RORB: variants seen among roughly 807,000 people sequenced by gnomAD.
RORB encodes the protein RAR related orphan receptor B, also known as nuclear receptor ROR-beta.
A neutral mutation model predicts 59.1 loss-of-function variants in RORB; 6 were observed. The observed-to-expected ratio is 0.10, with a 90% confidence interval of 0.06 to 0.20. The LOEUF (loss-of-function observed/expected upper bound fraction) is 0.20. RORB is among the 10% of genes least tolerant of loss of function. The pLI, the probability that RORB is intolerant of heterozygous loss-of-function variation, is 1.00. For synonymous variants in RORB, 215 were observed against 204.5 expected, an observed-to-expected ratio of 1.05 and a Z score of -0.44; for missense variants, 320 against 560.5, an observed-to-expected ratio of 0.57 and a Z score of 4.33.
chr9:74,569,752 A>G (rs1014839738), intron 1 of RORB, among the ~76,000 whole-genome samples: 11 of 152,074 alleles, frequency 7.2e-5, no homozygotes, highest in Non-Finnish European at 1.5e-5. Context: ...AGGAAATTAT[A>G]TACTGCATTT....
At chr9:74,637,281 G>A (rs1823722070) in intron 3 of RORB, among the ~76,000 whole-genome samples, 1 of 152,206 alleles carries the variant, frequency 6.6e-6, no homozygotes, top group Non-Finnish European at 1.5e-5. Context: ...ATACCTGGCT[G>A]CTTAATGTGG....
chr9:74,594,350 T>C (rs947824942), intron 1 of RORB, among the ~76,000 whole-genome samples: 7 of 152,144 alleles, frequency 4.6e-5, no homozygotes, highest in Non-Finnish European at 1.0e-4. Flanking sequence ...AACCCAAATT[T>C]TCAGGTCCTC....
intron 1 of RORB, among the ~76,000 whole-genome samples, chr9:74,626,706 T>C (rs888871505): frequency 6.6e-6 from 1 of 152,238 alleles, no homozygotes; most frequent in African/African-American, 2.4e-5. Context: ...GAAACCGTAG[T>C]CAACAGCATG....
At chr9:74,666,171 C>A (rs1255655598) in intron 7 of RORB, among the ~76,000 whole-genome samples, 1 of 152,136 alleles carries the variant, frequency 6.6e-6, no homozygotes, top group Non-Finnish European at 1.5e-5. Context: ...CCTGTAATCC[C>A]AGCTACTCAG....
At chr9:74,605,227 G>A (rs1204579415) in intron 1 of RORB, among the ~76,000 whole-genome samples, 2 of 152,174 alleles carry the variant, frequency 1.3e-5, no homozygotes, top group East Asian at 3.8e-4. Flanking sequence ...CCAGCCTAAT[G>A]TCTATGATTA....
At chr9:74,504,388 A>T (rs370894305) in intron 1 of RORB, among the ~76,000 whole-genome samples, 1 of 152,112 alleles carries the variant, frequency 6.6e-6, no homozygotes, top group Non-Finnish European at 1.5e-5. Context: ...TTAAATTTAC[A>T]TTAGAACATT....
chr9:74,627,028 G>A (rs1048716160), intron 1 of RORB, among the ~76,000 whole-genome samples: 4 of 152,062 alleles, frequency 2.6e-5, no homozygotes, highest in Non-Finnish European at 4.4e-5. Flanking sequence ...TGGGCATGGT[G>A]GCACACACCG....
intron 9 of RORB, among the ~76,000 whole-genome samples, chr9:74,682,928 A>G (rs1824571055): frequency 6.6e-6 from 1 of 152,128 alleles, no homozygotes; most frequent in African/African-American, 2.4e-5. Flanking sequence ...GTAAATTTAT[A>G]AAATTTGAAC....
rs906514499 is a variant in RORB, at chr9:74,565,687, C to T, written c.8-64595C>T. Among the ~76,000 whole-genome samples, 11 of 152,106 alleles carry T rather than the reference C, an allele frequency of 7.2e-5. 1 individual carries two copies. Among genetic ancestry groups the T allele is most frequent in the Admixed American group, 3.9e-4 (6 of 15,268 alleles). On this transcript the variant is annotated intron_variant, in intron 1 of 9. Coordinates refer to ENST00000376896, the MANE Select transcript of RORB (RefSeq NM_006914.4). ...TTAATATCTTAGACCATGCCTTTCC[C>T]TAAAAAGCATCTTCTTTTTCATACA...
At chr9:74,661,790 GC>G (rs34962370) in intron 5 of RORB, among the ~76,000 whole-genome samples, 38,333 of 150,540 alleles carry the variant, frequency 0.25, 6,271 homozygotes, top group African/African-American at 0.46. Context: ...GACTACAGGC[GC>G]CCCCCCACCA....
At chr9:74,622,567 C>G (rs1380879001) in intron 1 of RORB, among the ~76,000 whole-genome samples, 2 of 123,228 alleles carry the variant, frequency 1.6e-5, no homozygotes, top group Non-Finnish European at 3.2e-5. Context: ...CGGTCTGTCG[C>G]CCAGGCCGGA....
chr9:74,608,090 T>C (rs1215699437), intron 1 of RORB, among the ~76,000 whole-genome samples: 2 of 152,170 alleles, frequency 1.3e-5, no homozygotes, highest in Non-Finnish European at 2.9e-5. Context: ...GTAAGGTTCT[T>C]AACTCAGGTA....
intron 6 of RORB, among the ~76,000 whole-genome samples, chr9:74,664,573 T>A (rs1401226187): frequency 6.6e-6 from 1 of 151,826 alleles, no homozygotes; most frequent in Non-Finnish European, 1.5e-5. Context: ...CAATAAATGG[T>A]ACCCATCTAC....
intron 3 of RORB, 61 bp from the exon 4 acceptor site, chr9:74,642,353 T>C: frequency 1.3e-6 from 2 of 1,514,460 alleles, no homozygotes; most frequent in South Asian, 1.3e-5. Context: ...CCGTTGTACC[T>C]GAGGTGGTTA....
intron 6 of RORB, among the ~76,000 whole-genome samples, chr9:74,663,004 G>A (rs925274435): frequency 6.6e-6 from 1 of 151,412 alleles, no homozygotes; most frequent in Non-Finnish European, 1.5e-5. Flanking sequence ...TCATTTTAAT[G>A]AGGATAGCCT....
At chr9:74,535,141 C>T (rs1316104884) in intron 1 of RORB, among the ~76,000 whole-genome samples, 1 of 121,992 alleles carries the variant, frequency 8.2e-6, no homozygotes, top group Non-Finnish European at 1.8e-5. Flanking sequence ...TCCCAGAGCA[C>T]CATAGGGGTG....
In RORB at chr9:74,666,700, G is replaced by A. The variant is rs11144050; in HGVS notation, c.1001-1091G>A. Among the ~76,000 whole-genome samples, 25 of 152,252 alleles carry A rather than the reference G, an allele frequency of 1.6e-4. No homozygotes were observed. In the East Asian group the frequency reaches 4.1e-3, roughly 25 times the overall value. ...CTCCTCTACTTGTTTCTCACCCACAGAAGTTAATTCACAAAGTTCTGGGAG... is the reference window on the plus strand; with the variant it reads ...CTCCTCTACTTGTTTCTCACCCACAAAAGTTAATTCACAAAGTTCTGGGAG... On this transcript the variant is annotated intron_variant, in intron 7 of 9. Transcript: ENST00000376896.
chr9:74,647,527 T>G (rs1284461521), intron 4 of RORB, among the ~76,000 whole-genome samples: 4 of 152,348 alleles, frequency 2.6e-5, no homozygotes, highest in Admixed American at 1.3e-4. Context: ...TCAGTAACTT[T>G]CTCTCCAGAT....
intron 4 of RORB, among the ~76,000 whole-genome samples, chr9:74,657,390 T>G (rs1824101717): frequency 6.6e-6 from 1 of 152,084 alleles, no homozygotes; most frequent in Non-Finnish European, 1.5e-5. Context: ...GAAACCTCAC[T>G]TCTATCCTCA....
Sources: gnomAD v4.1 joint callset for allele counts (sites outside exome capture counted in the v4.1 genomes callset) on GRCh38, gnomAD v4.1.1 for gene constraint, MANE v1.5 for transcripts, NCBI Gene and HGNC (gene_info 2026-07-23, HGNC 2026-07-21) for gene names.